DNAH12: variants seen among roughly 807,000 people sequenced by gnomAD.
DNAH12 encodes the protein dynein axonemal heavy chain 12, also known as axonemal beta dynein heavy chain 12.
Under a neutral mutation model 371.5 loss-of-function variants are expected in DNAH12, and 285 were observed. That is an observed-to-expected ratio of 0.77 (90% CI 0.70 to 0.85). The LOEUF is 0.85. Ranked by LOEUF, DNAH12 falls within the 40% of genes least tolerant of loss-of-function variation. DNAH12 has a pLI of 0.00. For missense variants in DNAH12, 3,611 were observed against 3,689.4 expected, an observed-to-expected ratio of 0.98 and a Z score of 0.55; for synonymous variants, 1,200 against 1,213.0, an observed-to-expected ratio of 0.99 and a Z score of 0.22.
chr3:57,324,927 A>C (rs9790302), intron 62 of DNAH12, among the ~76,000 whole-genome samples: 48,839 of 152,180 alleles, frequency 0.32, 8,676 homozygotes, highest in African/African-American at 0.46. Context: ...TATCCCCCAC[A>C]TGGCTCAGAG....
chr3:57,353,449 T>C (rs2062729590), intron 59 of DNAH12, among the ~76,000 whole-genome samples: 2 of 152,180 alleles, frequency 1.3e-5, no homozygotes, highest in African/African-American at 2.4e-5. Flanking sequence ...CATGGCACCA[T>C]GCCCAGCTAG....
chr3:57,314,745 A>G, intron 65 of DNAH12, 114 bp from the exon 66 acceptor site: 2 of 1,106,652 alleles, frequency 1.8e-6, no homozygotes, highest in Non-Finnish European at 2.5e-6. Context: ...ACGTATCTCT[A>G]CAAACTTCTA....
intron 12 of DNAH12, 107 bp downstream of exon 12, chr3:57,489,402 T>C: frequency 8.5e-7 from 1 of 1,173,708 alleles, no homozygotes; most frequent in Non-Finnish European, 1.1e-6. Flanking sequence ...GGAGAAAAAG[T>C]TGTACGTACT....
chr3:57,336,004 G>A (rs2062213306), intron 60 of DNAH12, among the ~76,000 whole-genome samples: 2 of 152,066 alleles, frequency 1.3e-5, no homozygotes, highest in Admixed American at 1.3e-4. Context: ...TTTAAGAGAT[G>A]GCGAACTGCT....
At chr3:57,316,563 G>T (rs2061689779) in intron 65 of DNAH12, among the ~76,000 whole-genome samples, 1 of 152,082 alleles carries the variant, frequency 6.6e-6, no homozygotes. Context: ...GGGCTGAGCT[G>T]TACGACTGAT....
intron 34 of DNAH12, chr3:57,428,217 C>G (rs569926639): frequency 4.8e-5 from 24 of 502,386 alleles, no homozygotes; most frequent in Non-Finnish European, 7.4e-5. Context: ...AGGAGTGAGC[C>G]ACCGTGGCTG....
rs370900635 is a variant in DNAH12 at position 57,414,195 on chromosome 3, TCA to T, written c.5854-285_5854-284del. ...TTCATATTTAGGGTGATACTAAACT[TCA>T]CAATCAACATCATTCAAACATTTGT... On this transcript the variant is annotated intron_variant, in intron 38 of 73. Coordinates refer to ENST00000495027, the MANE Select transcript of DNAH12 (RefSeq NM_001366028.2). Among the ~76,000 whole-genome samples the T allele has an allele frequency of 1.9e-4, 29 of 152,242 alleles. 2 individuals carry two copies. The South Asian group carries it at 5.6e-3, about 29-fold the overall frequency.
chr3:57,302,088 G>T, intron 69 of DNAH12, 149 bp from the exon 70 acceptor site: 1 of 704,366 alleles, frequency 1.4e-6, no homozygotes, highest in Non-Finnish European at 2.3e-6. Flanking sequence ...GTGAGCTAAT[G>T]TTAAGTGATA....
At chr3:57,417,079 C>T (rs959994753) in intron 37 of DNAH12, among the ~76,000 whole-genome samples, 4 of 151,946 alleles carry the variant, frequency 2.6e-5, no homozygotes, top group African/African-American at 9.7e-5. Context: ...GTAGAAACCC[C>T]ATCTCTATTA....
intron 8 of DNAH12, among the ~76,000 whole-genome samples, chr3:57,505,594 C>T (rs1405016414): frequency 6.6e-6 from 1 of 152,058 alleles, no homozygotes; most frequent in East Asian, 1.9e-4. Context: ...GTGCCTGCCA[C>T]CACGCCTGCC....
the DNAH12 span, among the ~76,000 whole-genome samples, chr3:57,552,946 G>A: frequency 3.9e-5 from 6 of 152,090 alleles, no homozygotes; most frequent in Non-Finnish European, 7.4e-5. Flanking sequence ...GGAGGCCAAG[G>A]TGGGTGGATC....
intron 22 of DNAH12, among the ~76,000 whole-genome samples, chr3:57,456,150 G>T (rs1210327140): frequency 6.6e-6 from 1 of 152,160 alleles, no homozygotes; most frequent in East Asian, 1.9e-4. Flanking sequence ...TACATAGAAG[G>T]TCAATTTCTA....
chr3:57,527,701 A>AT (rs1335091245), intron 2 of DNAH12, among the ~76,000 whole-genome samples: 3 of 152,222 alleles, frequency 2.0e-5, no homozygotes, highest in Non-Finnish European at 4.4e-5. Context: ...GAGGAATACA[A>AT]TTCAACATGA....
At chr3:57,538,793 A>G (rs1245415548) in intron 2 of DNAH12, among the ~76,000 whole-genome samples, 1 of 152,148 alleles carries the variant, frequency 6.6e-6, no homozygotes, top group Non-Finnish European at 1.5e-5. Context: ...ATAGCTTTAA[A>G]AATCATCTAC....
Position 57,487,288 on chromosome 3 carries a change from A to AAAGGAAGGAAGG in DNAH12, c.1514+2209_1514+2220dup, listed in dbSNP as rs148766578. Among the ~76,000 whole-genome samples, 245 of 110,598 alleles carry AAAGGAAGGAAGG rather than the reference A, an allele frequency of 2.2e-3. 3 individuals are homozygous for AAAGGAAGGAAGG. Among genetic ancestry groups the AAAGGAAGGAAGG allele is most frequent in the Middle Eastern group, 0.017 (4 of 238 alleles). 72.6% of individuals were successfully genotyped at this position (110,598 alleles called of 152,430 possible). ...TTGTCTCTAATAGAAAAGAAGGAAG[A>AAAGGAAGGAAGG]AAGGAAGGAAGGAAGGAAGGGAGAG... On this transcript the variant is annotated intron_variant, in intron 12 of 73. Coordinates refer to ENST00000495027, the MANE Select transcript of DNAH12 (RefSeq NM_001366028.2).
intron 2 of DNAH12, among the ~76,000 whole-genome samples, chr3:57,533,174 G>T (rs939496309): frequency 3.9e-5 from 6 of 152,072 alleles, no homozygotes; most frequent in African/African-American, 1.4e-4. Context: ...AAGGCCCAAG[G>T]GCTCTTCAAT....
intron 66 of DNAH12, among the ~76,000 whole-genome samples, chr3:57,312,893 A>G (rs1215744616): frequency 6.6e-6 from 1 of 152,242 alleles, no homozygotes; most frequent in Non-Finnish European, 1.5e-5. Context: ...TAAAATATCA[A>G]CTATTTCTAT....
intron 58 of DNAH12, among the ~76,000 whole-genome samples, chr3:57,360,007 T>C (rs1373599271): frequency 6.6e-6 from 1 of 152,194 alleles, no homozygotes; most frequent in Non-Finnish European, 1.5e-5. Flanking sequence ...ATTTATTATA[T>C]TTTTCTCACT....
chr3:57,487,895 G>GT (rs1189741500), intron 12 of DNAH12, among the ~76,000 whole-genome samples: 17 of 150,076 alleles, frequency 1.1e-4, no homozygotes, highest in African/African-American at 3.4e-4. Context: ...TTGTTTTTTG[G>GT]TTTTTTTTAA....
Sources: gnomAD v4.1 joint callset for allele counts (sites outside exome capture counted in the v4.1 genomes callset) on GRCh38, gnomAD v4.1.1 for gene constraint, MANE v1.5 for transcripts, NCBI Gene and HGNC (gene_info 2026-07-23, HGNC 2026-07-21) for gene names.